LMTK3: variants seen among roughly 807,000 people sequenced by gnomAD.
The protein encoded by LMTK3 is lemur tail kinase 3.
Under a neutral mutation model 116.7 loss-of-function variants are expected in LMTK3, and 27 were observed. The observed-to-expected ratio is 0.23, with a 90% CI of 0.17 to 0.32. LMTK3 has a LOEUF of 0.32. Ranked by LOEUF, LMTK3 falls within the 10% of genes least tolerant of loss-of-function variation. The pLI, the probability that LMTK3 is intolerant of heterozygous loss-of-function variation, is 1.00. For synonymous variants in LMTK3, 965 were observed against 971.0 expected, an observed-to-expected ratio of 0.99 and a Z score of 0.11; for missense variants, 1,764 against 2,068.5, an observed-to-expected ratio of 0.85 and a Z score of 2.86.
rs76398023 is a variant in LMTK3, at chr19:48,492,265, T to C, written c.4093-726A>G. On this transcript the variant is annotated intron_variant, in intron 12 of 14. Coordinates refer to ENST00000600059, the MANE Select transcript of LMTK3 (RefSeq NM_001388485.1). ...GAGCAGTGTTGTGATCATGGCTCAATGCAGCCTCAACCTCCTGGGCTCAAG... is the reference window on the plus strand; with the variant it reads ...GAGCAGTGTTGTGATCATGGCTCAACGCAGCCTCAACCTCCTGGGCTCAAG... 8.0e-3 allele frequency among the ~76,000 whole-genome samples: 1,226 copies of C among 152,320 alleles called. 9 individuals carry two copies. The highest frequency in any genetic ancestry group is 0.027 in the African/African-American group (1,134 of 41,570).
At chr19:48,510,333 C>T (rs1972634932) in intron 2 of LMTK3, 126 bp downstream of exon 2, 3 of 1,429,824 alleles carry the variant, frequency 2.1e-6, no homozygotes, top group Admixed American at 2.5e-5. Flanking sequence ...CCAGATCTTG[C>T]CATAGCTTCA....
At position 48,499,370 on chromosome 19, in the gene LMTK3, G is replaced by T. The variant is rs558211642; in HGVS notation, c.1699C>A (p.Pro567Thr). The T allele has an allele frequency of 4.8e-5, 69 of 1,426,722 alleles. 1 individual carries two copies. In the Admixed American group the frequency reaches 1.6e-3, roughly 33 times the overall value. The allele number at this position is 1,426,722 out of a possible 1,614,324, so 88.4% of individuals were successfully genotyped here. A position where few individuals can be genotyped will look rare whatever the true frequency, so the allele number is the denominator to read the frequency against. ...WDPLDPGVPA[P>T]QAPQAPSEVP... is the part of the protein sequence containing the mutation. ...TCGGAGGGGGCCTGGGGGGCCTGAG[G>T]GGCGGGCACTCCTGGGTCCAGGGGG... The change falls in exon 11 of 15, where the codon CCT becomes ACT. Residue 567 changes from proline to threonine, a missense_variant. Around this residue, in one of 7 missense-constraint regions of LMTK3, gnomAD observed 1,028 missense variants for 1,050.6 expected, o/e 0.98. Transcript: ENST00000600059.
chr19:48,511,091 C>A (rs1189901799), intron 1 of LMTK3, among the ~76,000 whole-genome samples: 1 of 152,158 alleles, frequency 6.6e-6, no homozygotes, highest in African/African-American at 2.4e-5. Flanking sequence ...TGTTCTCTAT[C>A]CCCAGCCCAA....
intron 2 of LMTK3, 125 bp from the exon 3 acceptor site, chr19:48,510,298 T>C (rs2147561904): frequency 7.2e-7 from 1 of 1,388,202 alleles, no homozygotes; most frequent in South Asian, 1.4e-5. Flanking sequence ...CCAATTTCCA[T>C]CCCCCATTTC....
Position 48,491,557 on chromosome 19 carries a change from G to A in LMTK3, c.4093-18C>T. The A allele has an allele frequency of 7.4e-7, 1 of 1,355,830 alleles. No homozygotes were observed. The highest frequency in any genetic ancestry group is 2.0e-4 in the Middle Eastern group (1 of 4,952). 84.0% of individuals were successfully genotyped at this position (1,355,830 alleles called of 1,614,324 possible). The stretch of plus-strand genomic sequence containing the variant: ...GGCGTCTCCTGTGAAGGCAGATTAG[G>A]GGGAAGCCAGAGGGGACAAACCTTC... On this transcript the variant is annotated intron_variant, in intron 12 of 14. Coordinates refer to ENST00000600059, the MANE Select transcript of LMTK3 (RefSeq NM_001388485.1). This position sits in a 1 kb window ranked among gnomAD's most constrained non-coding sequence, Gnocchi z 5.1.
At chr19:48,508,693 C>T (rs1310133722) in intron 5 of LMTK3, among the ~76,000 whole-genome samples, 158 bp downstream of exon 5, 2 of 152,118 alleles carry the variant, frequency 1.3e-5, no homozygotes, top group African/African-American at 2.4e-5. Flanking sequence ...ACCCTTAGCT[C>T]GGTCCAGAGG....
At chr19:48,487,665 T>C (rs574012373) in intron 14 of LMTK3, among the ~76,000 whole-genome samples, 83 of 152,242 alleles carry the variant, frequency 5.5e-4, no homozygotes, top group East Asian at 1.9e-4. Flanking sequence ...CTGACTTCCC[T>C]GGGCGAGCAG....
chr19:48,491,347 C>T lies in LMTK3; in HGVS notation c.4228+57G>A. ...CCAAGCCCCTCCCACCCCATAGACC[C>T]CGCCCCGTCCGCCCCATGGCTCCCG... is the stretch of plus-strand genomic sequence containing the variant. On this transcript the variant is annotated intron_variant, in intron 13 of 14. Coordinates refer to ENST00000600059, the MANE Select transcript of LMTK3 (RefSeq NM_001388485.1). The surrounding 1 kb of genome is among the most constrained non-coding windows in gnomAD (Gnocchi z 5.1). The T allele has an allele frequency of 7.4e-7, 1 of 1,349,758 alleles. No homozygotes were observed. The highest frequency in any genetic ancestry group is 9.5e-7 in the Non-Finnish European group (1 of 1,047,206). 83.6% of individuals were successfully genotyped at this position (1,349,758 alleles called of 1,614,324 possible).
chr19:48,498,046 C>T lies in LMTK3; in HGVS notation c.3023G>A (p.Gly1008Asp), dbSNP rs866247113. The part of the protein sequence containing the change: ...KSEDKVSENG[G>D]LRFPRNTERP... ...CTCCGTGTTCCTGGGGAATCTCAGG[C>T]CCCCATTCTCTGACACCTTGTCCTC... The change falls in exon 11 of 15, where the codon GGC becomes GAC. Residue 1008 changes from glycine (G) to aspartate (D), a missense_variant. This residue lies in a region of LMTK3 where 1,028 missense variants were observed against 1,050.6 expected (regional missense o/e 0.98). Transcript: ENST00000600059. 2 of 1,612,762 alleles carry T rather than the reference C, an allele frequency of 1.2e-6. No individual in the cohort carries two copies. The highest frequency in any genetic ancestry group is 1.7e-6 in the Non-Finnish European group (2 of 1,179,752).
chr19:48,493,237 C>G (rs1169041547), intron 12 of LMTK3, among the ~76,000 whole-genome samples: 9 of 149,564 alleles, frequency 6.0e-5, no homozygotes, highest in Non-Finnish European at 1.0e-4. Context: ...CTGCTGTAGA[C>G]CCCGCCCCAC....
Position 48,493,755 on chromosome 19 carries a change from AG to A in LMTK3, c.4030del (p.Leu1344TrpfsTer14). 6.4e-7 allele frequency: 1 copy of A among 1,566,482 alleles called. No homozygotes were observed. Among genetic ancestry groups the A allele is most frequent in the East Asian group, 2.4e-5 (1 of 41,350 alleles). On this transcript the variant is annotated frameshift_variant, in exon 12 of 15. Coordinates refer to ENST00000600059, the MANE Select transcript of LMTK3 (RefSeq NM_001388485.1). LOFTEE classifies it high-confidence loss of function. The stretch of plus-strand genomic sequence containing the variant: ...GGAGACCATCTTGCGCTTCCTCTCC[AG>A]CTCGCTGTCCTCTGGCTCGTCGGCC... ...RGADEPEDSE[L>X]ERKRKMVSFH... is the part of the protein sequence containing the mutation.
chr19:48,511,635 G>GGGGGGGGGGGGC lies in LMTK3; in HGVS notation c.-60_-59insGCCCCCCCCCCC. The stretch of plus-strand genomic sequence containing the variant: ...GCGGCTGGGGAGGAGGGGGGGGCGG[G>GGGGGGGGGGGGC]CCCTCAGCCCCCAGCCATGGGGACC... On this transcript the variant is annotated 5_prime_UTR_variant, in exon 1 of 15. Coordinates refer to ENST00000600059, the MANE Select transcript of LMTK3 (RefSeq NM_001388485.1). 2.1e-6 allele frequency: 1 copy of GGGGGGGGGGGGC among 478,652 alleles called. No individual in the cohort carries two copies. The highest frequency in any genetic ancestry group is 3.9e-5 in the Admixed American group (1 of 25,834). The allele number at this position is 478,652 out of a possible 1,614,324, so 29.7% of individuals were successfully genotyped here. A position where few individuals can be genotyped will look rare whatever the true frequency, so the allele number is the denominator to read the frequency against.
intron 14 of LMTK3, among the ~76,000 whole-genome samples, chr19:48,486,325 C>T (rs1255076845): frequency 6.6e-6 from 1 of 151,780 alleles, no homozygotes; most frequent in African/African-American, 2.4e-5. Context: ...TCCCAAAGTG[C>T]TGGGATTACA....
intron 5 of LMTK3, among the ~76,000 whole-genome samples, chr19:48,507,197 C>A (rs532199930): frequency 6.6e-6 from 1 of 152,342 alleles, no homozygotes; most frequent in African/African-American, 2.4e-5. Flanking sequence ...TGCACACCCA[C>A]GAATCTGGCC....
In LMTK3 at chr19:48,491,293, C is replaced by G. The variant is rs1972218072; in HGVS notation, c.4229-48G>C. The stretch of plus-strand genomic sequence containing the variant: ...GGTCAGGCTGCAGACACCTGCGGCA[C>G]TCCCGCCCTCTGGTCCCGCCCCTCC... On this transcript the variant is annotated intron_variant, in intron 13 of 14. Coordinates refer to ENST00000600059, the MANE Select transcript of LMTK3 (RefSeq NM_001388485.1). The surrounding 1 kb of genome is among the most constrained non-coding windows in gnomAD (Gnocchi z 5.1). 2.2e-6 allele frequency: 3 copies of G among 1,352,180 alleles called. No individual in the cohort carries two copies. The highest frequency in any genetic ancestry group is 1.5e-5 in the African/African-American group (1 of 65,284). 83.8% of individuals were successfully genotyped at this position (1,352,180 alleles called of 1,614,324 possible). A position where few individuals can be genotyped will look rare whatever the true frequency, so the allele number is the denominator to read the frequency against.
intron 14 of LMTK3, 92 bp from the exon 15 acceptor site, chr19:48,485,881 C>A: frequency 8.0e-7 from 1 of 1,243,586 alleles, no homozygotes; most frequent in South Asian, 1.4e-5. Flanking sequence ...AAAGCCCTCA[C>A]CCACCATGGC....
In LMTK3 at chr19:48,485,736, T is replaced by A; in HGVS notation, c.*37A>T. On this transcript the variant is annotated 3_prime_UTR_variant, in exon 15 of 15. Coordinates refer to ENST00000600059, the MANE Select transcript of LMTK3 (RefSeq NM_001388485.1). ...CACAGAGGATTCCATTCTCAACCCC[T>A]CTTCTGAGGGTGCAGCGGGGTCGGG... 1 of 1,604,158 alleles carries A rather than the reference T, an allele frequency of 6.2e-7. No individual in the cohort carries two copies. Among genetic ancestry groups the A allele is most frequent in the Non-Finnish European group, 8.5e-7 (1 of 1,174,914 alleles).
intron 11 of LMTK3, among the ~76,000 whole-genome samples, chr19:48,495,471 A>C (rs1972308221): frequency 6.6e-6 from 1 of 152,164 alleles, no homozygotes; most frequent in African/African-American, 2.4e-5. Flanking sequence ...TTCACCCCCC[A>C]ATCCTAATCC....
In LMTK3 at chr19:48,511,653, T is replaced by C; in HGVS notation, c.-77A>G. 1.6e-6 allele frequency: 1 copy of C among 619,156 alleles called. No individual in the cohort carries two copies. Among genetic ancestry groups the C allele is most frequent in the Non-Finnish European group, 2.6e-6 (1 of 388,546 alleles). 38.4% of individuals were successfully genotyped at this position (619,156 alleles called of 1,614,324 possible). On this transcript the variant is annotated 5_prime_UTR_variant, in exon 1 of 15. It removes an upstream start codon present in the reference 5' UTR. Transcript: ENST00000600059. ...GGGGCGGGCCCTCAGCCCCCAGCCA[T>C]GGGGACCCGCGCGACCCTGGCCTCC...
Sources: gnomAD v4.1 joint callset for allele counts (sites outside exome capture counted in the v4.1 genomes callset) on GRCh38, gnomAD v4.1.1 for gene constraint, gnomAD v4.1.1 regional missense constraint, Gnocchi (gnomAD v3.1) non-coding constraint, MANE v1.5 for transcripts, NCBI Gene and HGNC (gene_info 2026-07-23, HGNC 2026-07-21) for gene names.